Variants in SBF2 observed in about 807,000 individuals in gnomAD.
SBF2 encodes myotubularin-related protein 13.
In SBF2, 112 loss-of-function variants were observed where a neutral mutation model predicts 225.2. The ratio of observed to expected loss-of-function variants is 0.50; its 90% confidence interval spans 0.43 to 0.58. The LOEUF (loss-of-function observed/expected upper bound fraction) is 0.58. Among genes scored for constraint, SBF2 ranks in the 20% least tolerant of loss-of-function variants. The probability of loss-of-function intolerance (pLI) is 0.00; values close to 1 mark genes in which losing one functional copy is unlikely to be tolerated. For missense variants in SBF2, 1,996 were observed against 2,206.2 expected (o/e 0.90, Z 1.91); for synonymous variants, 763 against 773.3 (o/e 0.99, Z 0.22).
intron 32 of SBF2, among the ~76,000 whole-genome samples, chr11:9,805,698 A>C (rs150211398): frequency 0.015 from 2,236 of 152,058 alleles, 43 homozygotes; most frequent in African/African-American, 0.049. Flanking sequence ...TCTCAGCTCA[A>C]TGCAACCTCC....
chr11:10,262,395 T>C (rs1291480067), intron 1 of SBF2, among the ~76,000 whole-genome samples: 1 of 152,146 alleles, frequency 6.6e-6, no homozygotes, highest in African/African-American at 2.4e-5. Flanking sequence ...CCTCATCCAA[T>C]CCTTCAAAGT....
chr11:10,287,436 C>A (rs954627698), intron 1 of SBF2, among the ~76,000 whole-genome samples: 1 of 152,018 alleles, frequency 6.6e-6, no homozygotes, highest in Non-Finnish European at 1.5e-5. Flanking sequence ...CATGTGTCAC[C>A]ACGCCAGGCT....
intron 16 of SBF2, among the ~76,000 whole-genome samples, chr11:9,952,642 C>G (rs371182072): frequency 1.1e-3 from 175 of 152,234 alleles, no homozygotes; most frequent in African/African-American, 4.0e-3. Context: ...AAGTGGCTTA[C>G]TTTTGTTTTA....
At chr11:9,968,226 C>G in intron 14 of SBF2, 115 bp downstream of exon 14, 1 of 905,564 alleles carries the variant, frequency 1.1e-6, no homozygotes, top group Non-Finnish European at 1.8e-6. Flanking sequence ...TGCTCTGATT[C>G]TAGCTACAGG....
At chr11:9,812,765 T>C (rs1854260708) in intron 29 of SBF2, 57 bp from the exon 30 acceptor site, 3 of 1,560,740 alleles carry the variant, frequency 1.9e-6, no homozygotes, top group South Asian at 2.2e-5. Flanking sequence ...AAAAGAGTGA[T>C]GTTTCCAATG....
At chr11:9,928,787 T>C (rs1379176167) in intron 16 of SBF2, 1 of 188,816 alleles carries the variant, frequency 5.3e-6, no homozygotes, top group East Asian at 1.5e-4. Flanking sequence ...AATACGTTCT[T>C]AAATAAATGT....
intron 1 of SBF2, among the ~76,000 whole-genome samples, chr11:10,273,501 G>A (rs1249105220): frequency 6.6e-6 from 1 of 152,158 alleles, no homozygotes; most frequent in Non-Finnish European, 1.5e-5. Context: ...AGAAGAAACA[G>A]AAAATATAAA....
chr11:9,818,006 C>T (rs1482171602), intron 28 of SBF2, among the ~76,000 whole-genome samples: 1 of 152,134 alleles, frequency 6.6e-6, no homozygotes, highest in African/African-American at 2.4e-5. Flanking sequence ...TGTGCAATGG[C>T]GTGATCTCAG....
At chr11:9,849,884 A>G (rs112102795) in intron 22 of SBF2, 139 bp downstream of exon 22, 30 of 802,660 alleles carry the variant, frequency 3.7e-5, no homozygotes, top group Non-Finnish European at 5.9e-5. Context: ...CTGTCAGACT[A>G]AAGTATTTCA....
At chr11:10,041,507 G>A (rs991739485) in intron 3 of SBF2, among the ~76,000 whole-genome samples, 1 of 152,088 alleles carries the variant, frequency 6.6e-6, no homozygotes, top group Non-Finnish European at 1.5e-5. Context: ...ACTAAGATCT[G>A]GTGACAGGAA....
intron 16 of SBF2, chr11:9,957,970 C>T (rs1247339015): frequency 6.6e-6 from 1 of 151,890 alleles, no homozygotes; most frequent in Non-Finnish European, 1.5e-5. Context: ...CCAACCCCTA[C>T]CTTCTCTCCT....
intron 1 of SBF2, among the ~76,000 whole-genome samples, chr11:10,240,161 A>C (rs185088013): frequency 6.6e-6 from 1 of 152,048 alleles, no homozygotes; most frequent in African/African-American, 2.4e-5. Context: ...TTAAAACCTT[A>C]TCTCAGGAGA....
In SBF2 at chr11:10,029,885, G is replaced by A; in HGVS notation, c.403-10C>T. 6.6e-7 allele frequency: 1 copy of A among 1,514,472 alleles called. No individual in the cohort carries two copies. The highest frequency in any genetic ancestry group is 9.2e-7 in the Non-Finnish European group (1 of 1,089,312). The allele number at this position is 1,514,472 out of a possible 1,614,324, so 93.8% of individuals were successfully genotyped here. A position where few individuals can be genotyped will look rare whatever the true frequency, so the allele number is the denominator to read the frequency against. On this transcript the variant is annotated splice_polypyrimidine_tract_variant and intron_variant, in intron 4 of 39. Coordinates refer to ENST00000256190, the MANE Select transcript of SBF2 (RefSeq NM_030962.4). ...TCAAACCCAGGCAAGCCTGCAAAAAGATAAATACATGTAATTATTTCATGG... is the reference window on the plus strand; with the variant it reads ...TCAAACCCAGGCAAGCCTGCAAAAAAATAAATACATGTAATTATTTCATGG...
At chr11:10,113,561 T>C (rs1334455263) in intron 2 of SBF2, among the ~76,000 whole-genome samples, 1 of 152,184 alleles carries the variant, frequency 6.6e-6, no homozygotes, top group Non-Finnish European at 1.5e-5. Flanking sequence ...GCCTAACACA[T>C]GCCAGGTATT....
rs375463472 is a variant in SBF2 at position 9,785,334 on chromosome 11, C to A, written c.5038-16G>T. On this transcript the variant is annotated splice_polypyrimidine_tract_variant and intron_variant, in intron 36 of 39. Transcript: ENST00000256190. ...GTCTTTGGGACTGAAAAAGACAGGA[C>A]AGGAGCTAGGAAACCTTTACAGACA... The A allele has an allele frequency of 6.1e-5, 99 of 1,610,184 alleles. No individual in the cohort carries two copies. The highest frequency in any genetic ancestry group is 8.1e-5 in the Non-Finnish European group (95 of 1,176,834).
intron 6 of SBF2, among the ~76,000 whole-genome samples, chr11:10,004,963 G>A (rs1252584583): frequency 6.6e-6 from 1 of 152,122 alleles, no homozygotes; most frequent in Non-Finnish European, 1.5e-5. Flanking sequence ...GTTACAGCAG[G>A]TAGCTAGCCA....
chr11:10,228,143 A>G (rs1194151415), intron 1 of SBF2, among the ~76,000 whole-genome samples: 2 of 152,104 alleles, frequency 1.3e-5, no homozygotes, highest in African/African-American at 2.4e-5. Flanking sequence ...GGTGTATAAG[A>G]ATGTTTGTGA....
intron 2 of SBF2, among the ~76,000 whole-genome samples, chr11:10,117,364 C>A (rs575167813): frequency 2.0e-5 from 3 of 150,284 alleles, no homozygotes; most frequent in African/African-American, 4.9e-5. Context: ...CTGCTTGAAC[C>A]CAGGAGGTGG....
At chr11:10,091,674 A>G (rs1757208865) in intron 2 of SBF2, among the ~76,000 whole-genome samples, 1 of 152,182 alleles carries the variant, frequency 6.6e-6, no homozygotes. Context: ...CTCATCATTT[A>G]TTCCACTCCA....
Sources: gnomAD v4.1 joint callset for allele counts (sites outside exome capture counted in the v4.1 genomes callset) on GRCh38, gnomAD v4.1.1 for gene constraint, MANE v1.5 for transcripts, NCBI Gene and HGNC (gene_info 2026-07-23, HGNC 2026-07-21) for gene names.